The following ADAT2 variants were observed in gnomAD, a reference collection of about 807,000 sequenced individuals.
ADAT2 encodes the protein tRNA-specific adenosine-34 deaminase catalytic subunit ADAT2.
In ADAT2, 26 loss-of-function variants were observed where a neutral mutation model predicts 25.9. That is an observed-to-expected ratio of 1.00 (90% CI 0.74 to 1.39). The LOEUF (loss-of-function observed/expected upper bound fraction) is 1.39, where lower values mean the gene tolerates loss of function less well. ADAT2 is among the 40% of genes most tolerant of loss of function. The pLI is 0.00. For missense variants in ADAT2, 220 were observed against 244.8 expected (o/e 0.90, Z 0.68); for synonymous variants, 76 against 86.8 (o/e 0.88, Z 0.69).
In ADAT2 at chr6:143,446,842, G is replaced by GGCTTCTGT. The variant is rs1330497199; in HGVS notation, c.96+3713_96+3720dup. Among the ~76,000 whole-genome samples, 1 of 152,038 alleles carries GGCTTCTGT rather than the reference G, an allele frequency of 6.6e-6. No individual in the cohort carries two copies. Among genetic ancestry groups the GGCTTCTGT allele is most frequent in the Non-Finnish European group, 1.5e-5 (1 of 67,996 alleles). On this transcript the variant is annotated intron_variant, in intron 1 of 5. Transcript: ENST00000237283. This position sits in a 1 kb window ranked among gnomAD's most constrained non-coding sequence, Gnocchi z 5.0. ...GACCATAATAATACTCACCTGATAG[G>GGCTTCTGT]GCTTCTGTGGGGCTTATAACATGGC... is the stretch of plus-strand genomic sequence containing the variant.
At chr6:143,433,789 C>A (rs1259802915) in intron 3 of ADAT2, 42 bp downstream of exon 3, 4 of 1,561,324 alleles carry the variant, frequency 2.6e-6, no homozygotes, top group Non-Finnish European at 3.5e-6. Context: ...CTCTTGTTCA[C>A]ACGAATGGTA....
Position 143,442,002 on chromosome 6 carries a change from A to G in ADAT2, c.97-3308T>C, listed in dbSNP as rs1779470810. 6.6e-6 allele frequency: 1 copy of G among 152,246 alleles called. No homozygotes were observed. Among genetic ancestry groups the G allele is most frequent in the Admixed American group, 6.5e-5 (1 of 15,284 alleles). 9.4% of individuals were successfully genotyped at this position (152,246 alleles called of 1,614,324 possible). On this transcript the variant is annotated intron_variant, in intron 1 of 5. Coordinates refer to ENST00000237283, the MANE Select transcript of ADAT2 (RefSeq NM_182503.3). The surrounding 1 kb of genome is among the most constrained non-coding windows in gnomAD (Gnocchi z 4.6). ...TGGAAAATAGTTTGGCAGTTTCTTA[A>G]AAAGCTAAACATGCATTTAACTTAT...
At chr6:143,438,450 G>C in intron 2 of ADAT2, 140 bp downstream of exon 2, 1 of 517,164 alleles carries the variant, frequency 1.9e-6, no homozygotes. Context: ...TACTGAAAAA[G>C]AGAGACGTTA....
rs554190561 is a variant in ADAT2 at position 143,436,958 on chromosome 6, CA to C, written c.201+1631del. ...TGATTCATTAAAAAGTTGTCTTTTT[CA>C]AGAATTCAAAGGACAAAGAATTTTG... On this transcript the variant is annotated intron_variant, in intron 2 of 5. Coordinates refer to ENST00000237283, the MANE Select transcript of ADAT2 (RefSeq NM_182503.3). The surrounding 1 kb of genome is among the most constrained non-coding windows in gnomAD (Gnocchi z 4.1). 6.6e-6 allele frequency among the ~76,000 whole-genome samples: 1 copy of C among 152,190 alleles called. No individual in the cohort carries two copies. Among genetic ancestry groups the C allele is most frequent in the South Asian group, 2.1e-4 (1 of 4,818 alleles).
rs563805369 is a variant in ADAT2, at chr6:143,442,773, T to C, written c.97-4079A>G. 1.3e-5 allele frequency among the ~76,000 whole-genome samples: 2 copies of C among 152,266 alleles called. No homozygotes were observed. Among genetic ancestry groups the C allele is most frequent in the East Asian group, 3.9e-4 (2 of 5,192 alleles). The stretch of plus-strand genomic sequence containing the variant: ...ATGTTTAGTGAGTTTAGAGAAATAT[T>C]TGGTGTTACGGACAATCCCAGAAAA... On this transcript the variant is annotated intron_variant, in intron 1 of 5. Coordinates refer to ENST00000237283, the MANE Select transcript of ADAT2 (RefSeq NM_182503.3). This position sits in a 1 kb window ranked among gnomAD's most constrained non-coding sequence, Gnocchi z 4.6.
chr6:143,448,359 A>G (rs1276892827), intron 1 of ADAT2, among the ~76,000 whole-genome samples: 1 of 152,136 alleles, frequency 6.6e-6, no homozygotes, highest in Non-Finnish European at 1.5e-5. Context: ...TATGTAACAA[A>G]CCTGCACATT....
intron 1 of ADAT2, among the ~76,000 whole-genome samples, chr6:143,439,498 T>G (rs1258723926): frequency 2.0e-5 from 3 of 152,184 alleles, no homozygotes; most frequent in Non-Finnish European, 4.4e-5. Context: ...AATGGAATAC[T>G]AGTCGGCAAT....
chr6:143,442,411 G>C lies in ADAT2; in HGVS notation c.97-3717C>G, dbSNP rs1163956781. On this transcript the variant is annotated intron_variant, in intron 1 of 5. Transcript: ENST00000237283. The surrounding 1 kb of genome is among the most constrained non-coding windows in gnomAD (Gnocchi z 4.6). ...AAGAGGTAGCACAAGGGAGCCATGT[G>C]GTAGTGAAACAGTTCCAGTGGTGGT... is the stretch of plus-strand genomic sequence containing the variant. Among the ~76,000 whole-genome samples the C allele has an allele frequency of 6.6e-6, 1 of 151,938 alleles. No homozygotes were observed. The highest frequency in any genetic ancestry group is 1.5e-5 in the Non-Finnish European group (1 of 68,004).
rs1268454006 is a variant in ADAT2 at position 143,426,945 on chromosome 6, T to G, written c.*1518A>C. ...AAAGCATAAGAAGCCAGAAATGAAT[T>G]ACGACCAACTGCAAAAAGGAACAAA... On this transcript the variant is annotated 3_prime_UTR_variant, in exon 6 of 6. Transcript: ENST00000237283. This position sits in a 1 kb window ranked among gnomAD's most constrained non-coding sequence, Gnocchi z 4.1. The G allele has an allele frequency of 6.6e-6, 1 of 152,094 alleles. No homozygotes were observed. The highest frequency in any genetic ancestry group is 1.5e-5 in the Non-Finnish European group (1 of 68,018). The allele number at this position is 152,094 out of a possible 1,614,324, so 9.4% of individuals were successfully genotyped here.
chr6:143,449,748 A>G (rs577452055), intron 1 of ADAT2: 22 of 152,312 alleles, frequency 1.4e-4, no homozygotes, highest in Non-Finnish European at 2.2e-4. Flanking sequence ...GTGCTAGCCC[A>G]GGGTCAACCT....
Position 143,442,172 on chromosome 6 carries a change from G to A in ADAT2, c.97-3478C>T, listed in dbSNP as rs1473835830. Among the ~76,000 whole-genome samples the A allele has an allele frequency of 6.6e-6, 1 of 152,158 alleles. No individual in the cohort carries two copies. Among genetic ancestry groups the A allele is most frequent in the Non-Finnish European group, 1.5e-5 (1 of 68,028 alleles). On this transcript the variant is annotated intron_variant, in intron 1 of 5. Transcript: ENST00000237283. The surrounding 1 kb of genome is among the most constrained non-coding windows in gnomAD (Gnocchi z 4.6). ...AAACAACTCAAATGCCCTTCAGTGGGTGAACTGCTAAACAAACTATGGTAC... is the reference window on the plus strand; with the variant it reads ...AAACAACTCAAATGCCCTTCAGTGGATGAACTGCTAAACAAACTATGGTAC...
At chr6:143,445,381 A>G (rs1779572920) in intron 1 of ADAT2, among the ~76,000 whole-genome samples, 1 of 152,142 alleles carries the variant, frequency 6.6e-6, no homozygotes, top group Non-Finnish European at 1.5e-5. Context: ...TTCAGCGTTC[A>G]TAGATCCCCC....
rs1205801280 is a variant in ADAT2, at chr6:143,436,047, G to A, written c.202-2066C>T. Among the ~76,000 whole-genome samples the A allele has an allele frequency of 6.6e-6, 1 of 152,124 alleles. No individual in the cohort carries two copies. The highest frequency in any genetic ancestry group is 1.9e-4 in the East Asian group (1 of 5,192). ...TTGCACATGTGAGTTAAAATTAAAAGACTGTATATATTTGTATATTGTTAC... is the reference window on the plus strand; with the variant it reads ...TTGCACATGTGAGTTAAAATTAAAAAACTGTATATATTTGTATATTGTTAC... On this transcript the variant is annotated intron_variant, in intron 2 of 5. Transcript: ENST00000237283. This position sits in a 1 kb window ranked among gnomAD's most constrained non-coding sequence, Gnocchi z 4.1.
At chr6:143,445,117 G>T (rs1779563638) in intron 1 of ADAT2, 2 of 239,892 alleles carry the variant, frequency 8.3e-6, no homozygotes, top group South Asian at 1.6e-4. Flanking sequence ...AGCAGAAACA[G>T]TTATATAGTT....
chr6:143,432,837 T>A lies in ADAT2; in HGVS notation c.353-226A>T, dbSNP rs1402705529. Among the ~76,000 whole-genome samples, 1 of 152,218 alleles carries A rather than the reference T, an allele frequency of 6.6e-6. No homozygotes were observed. On this transcript the variant is annotated intron_variant, in intron 3 of 5. Coordinates refer to ENST00000237283, the MANE Select transcript of ADAT2 (RefSeq NM_182503.3). The surrounding 1 kb of genome is among the most constrained non-coding windows in gnomAD (Gnocchi z 4.4). ...TAACAACTGCAAACAGAATGAAAAC[T>A]GAGTATGTGTTTGCTTAAAGTTCAC...
chr6:143,445,564 A>G (rs557735096), intron 1 of ADAT2, among the ~76,000 whole-genome samples: 118 of 152,292 alleles, frequency 7.7e-4, no homozygotes, highest in African/African-American at 2.8e-3. Flanking sequence ...AAGGAATTCT[A>G]TCATTTATCT....
chr6:143,449,013 G>T (rs916747075), intron 1 of ADAT2, among the ~76,000 whole-genome samples: 1 of 151,688 alleles, frequency 6.6e-6, no homozygotes, highest in Non-Finnish European at 1.5e-5. Context: ...TATATATGTC[G>T]CAAATATTTT....
intron 2 of ADAT2, among the ~76,000 whole-genome samples, 197 bp downstream of exon 2, chr6:143,438,393 A>G (rs968988848): frequency 7.9e-5 from 12 of 152,132 alleles, no homozygotes. Context: ...ATTTTCCACA[A>G]TAAAAAAAAT....
intron 1 of ADAT2, among the ~76,000 whole-genome samples, chr6:143,448,240 G>A (rs777586002): frequency 6.6e-5 from 10 of 151,962 alleles, no homozygotes; most frequent in Non-Finnish European, 1.2e-4. Flanking sequence ...ATCACACACC[G>A]GGGCCTGTCA....
Sources: gnomAD v4.1 joint callset for allele counts (sites outside exome capture counted in the v4.1 genomes callset) on GRCh38, gnomAD v4.1.1 for gene constraint, Gnocchi (gnomAD v3.1) non-coding constraint, MANE v1.5 for transcripts, NCBI Gene and HGNC (gene_info 2026-07-23, HGNC 2026-07-21) for gene names.